GRIN2A: variants seen among roughly 807,000 people sequenced by gnomAD.
GRIN2A encodes glutamate ionotropic receptor NMDA type subunit 2A.
Under a neutral mutation model 113.4 loss-of-function variants are expected in GRIN2A, and 22 were observed. That is an observed-to-expected ratio of 0.19 (90% CI 0.14 to 0.28). The LOEUF (loss-of-function observed/expected upper bound fraction) is 0.28. Among genes scored for constraint, GRIN2A ranks in the 10% least tolerant of loss-of-function variants. The pLI is 1.00. For missense variants in GRIN2A, 1,502 were observed against 1,887.0 expected, an observed-to-expected ratio of 0.80 and a Z score of 3.78; for synonymous variants, 827 against 738.4, an observed-to-expected ratio of 1.12 and a Z score of -1.94.
intron 10 of GRIN2A, among the ~76,000 whole-genome samples, chr16:9,807,467 A>G (rs972895989): frequency 2.6e-5 from 4 of 151,770 alleles, no homozygotes; most frequent in South Asian, 2.1e-4. Flanking sequence ...AAGAGAAAGA[A>G]TACCCAAGAG....
intron 2 of GRIN2A, among the ~76,000 whole-genome samples, chr16:9,954,211 T>G (rs950963629): frequency 6.6e-6 from 1 of 152,198 alleles, no homozygotes; most frequent in Admixed American, 6.5e-5. Flanking sequence ...GCGATATACC[T>G]TCAATGTTGA....
chr16:9,956,765 G>C (rs530229423), intron 2 of GRIN2A, among the ~76,000 whole-genome samples: 1 of 152,202 alleles, frequency 6.6e-6, no homozygotes, highest in Non-Finnish European at 1.5e-5. Context: ...GAACAATTTA[G>C]ATGGTTGAAG....
At chr16:9,852,805 C>CTA (rs1304780328) in intron 4 of GRIN2A, among the ~76,000 whole-genome samples, 20 of 152,194 alleles carry the variant, frequency 1.3e-4, no homozygotes, top group Admixed American at 4.6e-4. Flanking sequence ...TTACAAGGGA[C>CTA]TATAACTGAG....
chr16:9,998,477 C>A (rs1168716104), intron 2 of GRIN2A, among the ~76,000 whole-genome samples: 1 of 152,138 alleles, frequency 6.6e-6, no homozygotes, highest in East Asian at 1.9e-4. Flanking sequence ...ATCGAAGGTC[C>A]TTGCACAACA....
intron 10 of GRIN2A, among the ~76,000 whole-genome samples, chr16:9,815,728 A>C (rs1219044138): frequency 6.6e-6 from 1 of 152,216 alleles, no homozygotes; most frequent in Non-Finnish European, 1.5e-5. Flanking sequence ...TCAATAACTA[A>C]AAATAGAATT....
chr16:10,142,501 TG>T (rs1471347100), intron 2 of GRIN2A, among the ~76,000 whole-genome samples: 2 of 152,160 alleles, frequency 1.3e-5, no homozygotes, highest in East Asian at 3.9e-4. Context: ...AAGACCAGCC[TG>T]GGCAACACAG....
chr16:9,811,879 G>C (rs2042092922), intron 10 of GRIN2A, among the ~76,000 whole-genome samples: 1 of 152,200 alleles, frequency 6.6e-6, no homozygotes, highest in African/African-American at 2.4e-5. Context: ...TGCTTCCTGT[G>C]GCTTGGCTCG....
intron 3 of GRIN2A, among the ~76,000 whole-genome samples, chr16:9,897,584 G>A (rs543985524): frequency 4.7e-4 from 72 of 152,172 alleles, no homozygotes; most frequent in East Asian, 2.7e-3. Context: ...TGAAGACTTC[G>A]TATTTTTCAA....
intron 2 of GRIN2A, among the ~76,000 whole-genome samples, chr16:10,101,384 A>C (rs544599087): frequency 6.6e-6 from 1 of 152,344 alleles, no homozygotes; most frequent in African/African-American, 2.4e-5. Flanking sequence ...AAGCGTATAC[A>C]AGAACCAGGT....
intron 4 of GRIN2A, among the ~76,000 whole-genome samples, chr16:9,851,813 C>T (rs927382126): frequency 1.3e-5 from 2 of 152,156 alleles, no homozygotes; most frequent in African/African-American, 4.8e-5. Context: ...AGGGTATGAC[C>T]TTGAAGACTG....
intron 2 of GRIN2A, among the ~76,000 whole-genome samples, chr16:9,993,972 T>C (rs919473488): frequency 6.6e-6 from 1 of 152,156 alleles, no homozygotes; most frequent in Non-Finnish European, 1.5e-5. Context: ...TTGCAAAGAG[T>C]AGTCTGATAT....
rs190868013 is a variant in GRIN2A at position 9,928,233 on chromosome 16, G to C, written c.1007+9726C>G. 1.3e-4 allele frequency among the ~76,000 whole-genome samples: 20 copies of C among 152,260 alleles called. No individual in the cohort carries two copies. The East Asian group carries it at 3.9e-3, about 29-fold the overall frequency. On this transcript the variant is annotated intron_variant, in intron 3 of 12. Transcript: ENST00000330684. ...GAGGTGAGAGAAGCAAAGAAGCAAG[G>C]AGACAAAGGCAGAGAACAGGTGGAG...
chr16:9,838,234 G>C (rs2042614413), intron 7 of GRIN2A, among the ~76,000 whole-genome samples: 1 of 152,090 alleles, frequency 6.6e-6, no homozygotes, highest in South Asian at 2.1e-4. Context: ...TTTTCCCAGG[G>C]GGGAGATTTC....
rs528982288 is a variant in GRIN2A at position 9,801,389 on chromosome 16, C to G, written c.2169-2925G>C. Among the ~76,000 whole-genome samples, 5 of 152,330 alleles carry G rather than the reference C, an allele frequency of 3.3e-5. No homozygotes were observed. In the East Asian group the frequency reaches 5.8e-4, roughly 18 times the overall value. ...ACACACATGTACACATGGGCACATT[C>G]AAACATTAGGGCCCTCTGTTGGAAT... On this transcript the variant is annotated intron_variant, in intron 10 of 12. Coordinates refer to ENST00000330684, the MANE Select transcript of GRIN2A (RefSeq NM_001134407.3).
intron 2 of GRIN2A, among the ~76,000 whole-genome samples, chr16:10,007,577 G>C (rs2046427397): frequency 6.6e-6 from 1 of 152,006 alleles, no homozygotes; most frequent in Non-Finnish European, 1.5e-5. Flanking sequence ...GCCATTCTTT[G>C]GGTTGTCTCT....
chr16:9,895,499 G>A (rs1567161566), intron 3 of GRIN2A, among the ~76,000 whole-genome samples: 2 of 152,186 alleles, frequency 1.3e-5, no homozygotes, highest in Non-Finnish European at 2.9e-5. Context: ...TTCATCTTGT[G>A]TTTATTTGGA....
chr16:9,794,183 T>C (rs1902812720), intron 11 of GRIN2A, among the ~76,000 whole-genome samples: 1 of 152,236 alleles, frequency 6.6e-6, no homozygotes. Context: ...ATCTTGTGTA[T>C]GCTTCCAGGC....
At chr16:9,908,008 C>T (rs191615688) in intron 3 of GRIN2A, among the ~76,000 whole-genome samples, 7 of 152,192 alleles carry the variant, frequency 4.6e-5, no homozygotes, top group Admixed American at 6.5e-5. Flanking sequence ...TTCATCTGGC[C>T]GGAGCTGGAG....
intron 7 of GRIN2A, among the ~76,000 whole-genome samples, chr16:9,838,484 A>G (rs1345767354): frequency 1.3e-5 from 2 of 152,184 alleles, no homozygotes; most frequent in Non-Finnish European, 2.9e-5. Context: ...GAATGATGCA[A>G]TGTCTTTTGC....
Sources: allele counts gnomAD v4.1 joint callset (sites outside exome capture counted in the v4.1 genomes callset), GRCh38; gene constraint gnomAD v4.1.1; transcripts MANE v1.5; gene names NCBI Gene and HGNC (gene_info 2026-07-23, HGNC 2026-07-21).